The following TRAPPC9 variants were observed in gnomAD, a reference collection of about 807,000 sequenced individuals.
The protein encoded by TRAPPC9 is IKK2 binding protein.
TRAPPC9 carries 83 observed loss-of-function variants against 124.0 expected under a neutral mutation model. The observed-to-expected ratio is 0.67, with a 90% confidence interval of 0.56 to 0.80. The LOEUF (loss-of-function observed/expected upper bound fraction) is 0.80. Among genes scored for constraint, TRAPPC9 ranks in the 30% least tolerant of loss-of-function variants. The pLI is 0.00. For synonymous variants in TRAPPC9, 638 were observed against 617.5 expected, an observed-to-expected ratio of 1.03 and a Z score of -0.49; for missense variants, 1,302 against 1,508.3, an observed-to-expected ratio of 0.86 and a Z score of 2.27.
At chr8:139,893,200 T>C (rs978789659) in intron 20 of TRAPPC9, among the ~76,000 whole-genome samples, 1 of 152,216 alleles carries the variant, frequency 6.6e-6, no homozygotes, top group African/African-American at 2.4e-5. Flanking sequence ...AGGGGCTCCA[T>C]GCTAACTGTC....
At chr8:139,959,035 A>C (rs1835201295) in intron 19 of TRAPPC9, among the ~76,000 whole-genome samples, 2 of 150,798 alleles carry the variant, frequency 1.3e-5, no homozygotes, top group African/African-American at 4.9e-5. Flanking sequence ...TCCGAGTCAC[A>C]CGGGGGAGCC....
At chr8:140,081,488 G>A (rs1422373850) in intron 17 of TRAPPC9, among the ~76,000 whole-genome samples, 1 of 151,766 alleles carries the variant, frequency 6.6e-6, no homozygotes, top group Non-Finnish European at 1.5e-5. Context: ...TGGAATTACA[G>A]GTACCCACCA....
At chr8:139,799,339 C>T (rs1823311277) in intron 21 of TRAPPC9, among the ~76,000 whole-genome samples, 1 of 152,064 alleles carries the variant, frequency 6.6e-6, no homozygotes, top group South Asian at 2.1e-4. Context: ...ACCTTTTTTG[C>T]ACTATCAGGT....
At chr8:140,396,663 C>A (rs376203282) in intron 7 of TRAPPC9, among the ~76,000 whole-genome samples, 1 of 151,828 alleles carries the variant, frequency 6.6e-6, no homozygotes, top group Admixed American at 6.6e-5. Flanking sequence ...GGGCATCACT[C>A]ATGCTGAGCC....
At chr8:140,178,819 G>A (rs1049775739) in intron 17 of TRAPPC9, among the ~76,000 whole-genome samples, 11 of 152,104 alleles carry the variant, frequency 7.2e-5, no homozygotes, top group East Asian at 3.9e-4. Flanking sequence ...TAGGCATTCC[G>A]TTTCATCTTC....
chr8:140,350,374 T>C (rs1365836470), intron 9 of TRAPPC9, among the ~76,000 whole-genome samples: 2 of 152,136 alleles, frequency 1.3e-5, no homozygotes, highest in Non-Finnish European at 2.9e-5. Context: ...CCCAGGCAAG[T>C]CCCATTAGCA....
At chr8:139,834,608 TCGC>T (rs543186119) in intron 21 of TRAPPC9, among the ~76,000 whole-genome samples, 51 of 152,324 alleles carry the variant, frequency 3.3e-4, no homozygotes, top group African/African-American at 1.2e-3. Flanking sequence ...GGGGACGTTG[TCGC>T]CCCATCTCAC....
intron 5 of TRAPPC9, among the ~76,000 whole-genome samples, chr8:140,418,489 G>C (rs2070025940): frequency 6.6e-6 from 1 of 152,180 alleles, no homozygotes; most frequent in African/African-American, 2.4e-5. Flanking sequence ...GGGAGGCCAA[G>C]GCAGGTGGAC....
Position 140,031,581 on chromosome 8 carries a change from A to C in TRAPPC9, c.2557-7502T>G, listed in dbSNP as rs184355838. 2.8e-4 allele frequency among the ~76,000 whole-genome samples: 43 copies of C among 152,354 alleles called. No individual in the cohort carries two copies. In the East Asian group the frequency reaches 7.5e-3, roughly 27 times the overall value. ...TGATGTGATCCACTTAATAAGTCAAACATTCAAGACCAAAGGCTGGGGCTC... is the reference window on the plus strand; with the variant it reads ...TGATGTGATCCACTTAATAAGTCAACCATTCAAGACCAAAGGCTGGGGCTC... On this transcript the variant is annotated intron_variant, in intron 17 of 22. Coordinates refer to ENST00000438773, the MANE Select transcript of TRAPPC9 (RefSeq NM_001160372.4).
chr8:140,233,613 T>TCCC (rs2063657846), intron 16 of TRAPPC9, among the ~76,000 whole-genome samples: 1 of 20,212 alleles, frequency 4.9e-5, no homozygotes, highest in African/African-American at 1.5e-4. Flanking sequence ...CCTCCCTCCC[T>TCCC]CTCTCCCCAC....
In TRAPPC9 at chr8:139,800,966, C is replaced by T. The variant is rs183025945; in HGVS notation, c.3056-68764G>A. Among the ~76,000 whole-genome samples, 381 of 150,206 alleles carry T rather than the reference C, an allele frequency of 2.5e-3. 5 individuals carry two copies. Among genetic ancestry groups the T allele is most frequent in the Non-Finnish European group, 4.2e-3 (284 of 67,320 alleles). On this transcript the variant is annotated intron_variant, in intron 21 of 22. Transcript: ENST00000438773. Reference sequence around the variant, plus strand: ...TCCCTCCATCCGGTACCTGTACCTTCCCTCCCTCCGGCATCTTCCCCCGCT... The same window carrying T: ...TCCCTCCATCCGGTACCTGTACCTTTCCTCCCTCCGGCATCTTCCCCCGCT...
At chr8:140,326,349 T>C (rs2066737968) in intron 9 of TRAPPC9, among the ~76,000 whole-genome samples, 1 of 152,140 alleles carries the variant, frequency 6.6e-6, no homozygotes. Flanking sequence ...CTCTGTCATA[T>C]TTGGATTTGG....
At chr8:140,084,982 G>A (rs896592208) in intron 17 of TRAPPC9, among the ~76,000 whole-genome samples, 3 of 152,192 alleles carry the variant, frequency 2.0e-5, no homozygotes, top group African/African-American at 4.8e-5. Context: ...GCTGGACTCC[G>A]AGGCCTATGC....
intron 21 of TRAPPC9, among the ~76,000 whole-genome samples, chr8:139,735,534 C>T (rs893273871): frequency 1.3e-5 from 2 of 152,190 alleles, no homozygotes; most frequent in African/African-American, 2.4e-5. Flanking sequence ...GTCTGAGCCT[C>T]TTGAATAAAA....
intron 17 of TRAPPC9, among the ~76,000 whole-genome samples, chr8:140,044,273 C>CAAAAAA (rs1224548746): frequency 2.0e-5 from 2 of 98,360 alleles, no homozygotes; most frequent in Admixed American, 1.1e-4. Flanking sequence ...CAACAACGAC[C>CAAAAAA]AAAAAAAAAA....
rs7014042 is a variant in TRAPPC9 at position 139,762,720 on chromosome 8, G to C, written c.3056-30518C>G. On this transcript the variant is annotated intron_variant, in intron 21 of 22. Coordinates refer to ENST00000438773, the MANE Select transcript of TRAPPC9 (RefSeq NM_001160372.4). ...CTCTCCACTGCCCTCTTCTCCCCTA[G>C]AGTATACATGTGCCCAGGAAACAGA... is the stretch of plus-strand genomic sequence containing the variant. Among the ~76,000 whole-genome samples the C allele has an allele frequency of 7.3e-3, 1,117 of 152,308 alleles. 14 individuals are homozygous for C. The highest frequency in any genetic ancestry group is 0.026 in the African/African-American group (1,072 of 41,558).
chr8:140,157,528 T>C (rs73362916), intron 17 of TRAPPC9, among the ~76,000 whole-genome samples: 1 of 152,220 alleles, frequency 6.6e-6, no homozygotes, highest in Non-Finnish European at 1.5e-5. Flanking sequence ...TGAGATTCCA[T>C]GTAACACCAT....
chr8:139,913,895 A>C (rs1468028037), intron 19 of TRAPPC9: 1 of 152,534 alleles, frequency 6.6e-6, no homozygotes, highest in African/African-American at 2.4e-5. Flanking sequence ...CCTAAACCTG[A>C]GCCCCCTCCT....
At chr8:140,325,076 C>A (rs1265055181) in intron 9 of TRAPPC9, among the ~76,000 whole-genome samples, 2 of 152,040 alleles carry the variant, frequency 1.3e-5, no homozygotes, top group Non-Finnish European at 1.5e-5. Context: ...GCTGCAAATA[C>A]CTGAAAAGTA....
Sources: allele counts gnomAD v4.1 joint callset (sites outside exome capture counted in the v4.1 genomes callset), GRCh38; gene constraint gnomAD v4.1.1; transcripts MANE v1.5; gene names NCBI Gene and HGNC (gene_info 2026-07-23, HGNC 2026-07-21).